SMAD1: variants seen among roughly 807,000 people sequenced by gnomAD.
SMAD1 encodes the protein SMAD family member 1, also known as MAD, mothers against decapentaplegic homolog 1.
SMAD1 carries 6 observed loss-of-function variants against 41.6 expected under a neutral mutation model. The observed-to-expected ratio is 0.14, with a 90% CI of 0.08 to 0.28. SMAD1 has a LOEUF of 0.28. Ranked by LOEUF, SMAD1 falls within the 10% of genes least tolerant of loss-of-function variation. The probability of loss-of-function intolerance (pLI) is 1.00; values close to 1 mark genes in which losing one functional copy is unlikely to be tolerated. For synonymous variants in SMAD1, 206 were observed against 203.2 expected (o/e 1.01, Z -0.12); for missense variants, 379 against 582.6 (o/e 0.65, Z 3.60).
chr4:145,543,619 C>T (rs982271585), intron 4 of SMAD1, among the ~76,000 whole-genome samples: 1 of 152,176 alleles, frequency 6.6e-6, no homozygotes, highest in African/African-American at 2.4e-5. Context: ...TTGATTCCAG[C>T]GCTGTATATA....
chr4:145,488,653 T>A (rs1054637379), intron 1 of SMAD1, among the ~76,000 whole-genome samples: 1 of 152,210 alleles, frequency 6.6e-6, no homozygotes, highest in Non-Finnish European at 1.5e-5. Flanking sequence ...ATTATTCAGT[T>A]AACTAAATGC....
chr4:145,508,806 A>G (rs1729925434), intron 1 of SMAD1, among the ~76,000 whole-genome samples: 1 of 152,208 alleles, frequency 6.6e-6, no homozygotes, highest in Non-Finnish European at 1.5e-5. Flanking sequence ...AGGTACCTGG[A>G]TGGCCTCTTC....
intron 6 of SMAD1, among the ~76,000 whole-genome samples, chr4:145,557,172 A>G (rs527533053): frequency 6.6e-5 from 10 of 152,286 alleles, no homozygotes; most frequent in Non-Finnish European, 8.8e-5. Context: ...ACTTTATTCT[A>G]TGGAACTGTA....
At chr4:145,531,848 T>C (rs1731336385) in intron 2 of SMAD1, among the ~76,000 whole-genome samples, 1 of 152,064 alleles carries the variant, frequency 6.6e-6, no homozygotes, top group Non-Finnish European at 1.5e-5. Context: ...CTGTTACTTC[T>C]ATATGGGCAA....
At chr4:145,505,275 G>A (rs962966642) in intron 1 of SMAD1, among the ~76,000 whole-genome samples, 2 of 152,072 alleles carry the variant, frequency 1.3e-5, no homozygotes, top group African/African-American at 4.8e-5. Flanking sequence ...ATCTCACCAG[G>A]CCTTGAATCC....
In SMAD1 at chr4:145,558,051, G is replaced by T; in HGVS notation, c.*117G>T. The T allele has an allele frequency of 1.9e-6, 1 of 538,780 alleles. No individual in the cohort carries two copies. Among genetic ancestry groups the T allele is most frequent in the Non-Finnish European group, 3.0e-6 (1 of 338,022 alleles). 33.4% of individuals were successfully genotyped at this position (538,780 alleles called of 1,614,324 possible). ...AGCCTTGATAATACTTGACCTCTGTGACCAACTGTTGGATTCAGAAATTTA... is the reference window on the plus strand; with the variant it reads ...AGCCTTGATAATACTTGACCTCTGTTACCAACTGTTGGATTCAGAAATTTA... On this transcript the variant is annotated 3_prime_UTR_variant, in exon 7 of 7. Coordinates refer to ENST00000302085, the MANE Select transcript of SMAD1 (RefSeq NM_005900.3).
chr4:145,483,993 A>G (rs748864538), intron 1 of SMAD1, among the ~76,000 whole-genome samples: 7 of 152,228 alleles, frequency 4.6e-5, no homozygotes, highest in Non-Finnish European at 7.4e-5. Flanking sequence ...TATTTTTACT[A>G]AGTTCATTAA....
Position 145,554,043 on chromosome 4 carries a change from A to T in SMAD1, c.1254+3A>T, listed in dbSNP as rs1472217118. Reference sequence around the variant, plus strand: ...CTATACGTATGAGCTTTGTGAAGGTAAGTGAGCTCCGACTCCTCCATTTAG... The same window carrying T: ...CTATACGTATGAGCTTTGTGAAGGTTAGTGAGCTCCGACTCCTCCATTTAG... On this transcript the variant is annotated splice_donor_region_variant and intron_variant, in intron 6 of 6. Transcript: ENST00000302085. 2 of 1,610,074 alleles carry T rather than the reference A, an allele frequency of 1.2e-6. No individual in the cohort carries two copies. The highest frequency in any genetic ancestry group is 3.3e-5 in the Admixed American group (2 of 59,932).
At chr4:145,542,905 T>G (rs1732032958) in intron 4 of SMAD1, among the ~76,000 whole-genome samples, 1 of 152,240 alleles carries the variant, frequency 6.6e-6, no homozygotes. Context: ...AATGAAGATC[T>G]GAGAATAATT....
chr4:145,553,709 G>A (rs1024651398), intron 5 of SMAD1, 75 bp from the exon 6 acceptor site: 13 of 1,310,346 alleles, frequency 9.9e-6, no homozygotes, highest in Non-Finnish European at 1.3e-5. Context: ...TTAAGTTTCT[G>A]TGTTGAAGCT....
At chr4:145,484,821 A>G (rs1018888669) in intron 1 of SMAD1, 2 of 152,184 alleles carry the variant, frequency 1.3e-5, no homozygotes, top group Non-Finnish European at 2.9e-5. Flanking sequence ...TGGACCACAT[A>G]CTTAACTTTG....
chr4:145,512,923 T>G (rs1417219758), intron 1 of SMAD1, among the ~76,000 whole-genome samples: 1 of 152,212 alleles, frequency 6.6e-6, no homozygotes, highest in Non-Finnish European at 1.5e-5. Context: ...GATTCTAGAT[T>G]GGTTGTAAAG....
intron 3 of SMAD1, among the ~76,000 whole-genome samples, chr4:145,542,319 C>T (rs1304404127): frequency 6.6e-6 from 1 of 152,250 alleles, no homozygotes; most frequent in African/African-American, 2.4e-5. Context: ...CATGATCCTG[C>T]ATAGGCAAAC....
rs1044575037 is a variant in SMAD1 at position 145,481,959 on chromosome 4, C to G, written c.-256C>G. 1 of 152,010 alleles carries G rather than the reference C, an allele frequency of 6.6e-6. No individual in the cohort carries two copies. The highest frequency in any genetic ancestry group is 1.5e-5 in the Non-Finnish European group (1 of 68,078). The allele number at this position is 152,010 out of a possible 1,614,324, so 9.4% of individuals were successfully genotyped here. On this transcript the variant is annotated 5_prime_UTR_variant, in exon 1 of 7. Transcript: ENST00000302085. The stretch of plus-strand genomic sequence containing the variant: ...GGGGAGCGGAGAGTGGCGCAGCGCC[C>G]GGCCGTCCGGACCCGGGCCGCGAGA...
chr4:145,557,617 C>T (rs1022176859), intron 6 of SMAD1, among the ~76,000 whole-genome samples, 174 bp from the exon 7 acceptor site: 2 of 152,032 alleles, frequency 1.3e-5, no homozygotes, highest in African/African-American at 2.4e-5. Flanking sequence ...AAATTGCCTG[C>T]GAAATTATGC....
chr4:145,504,704 A>G (rs1052958338), intron 1 of SMAD1, among the ~76,000 whole-genome samples: 1 of 152,190 alleles, frequency 6.6e-6, no homozygotes, highest in East Asian at 1.9e-4. Context: ...TTTAAGTAAT[A>G]GTTATTTCAG....
intron 1 of SMAD1, among the ~76,000 whole-genome samples, chr4:145,506,764 C>A (rs187400869): frequency 5.2e-4 from 79 of 152,020 alleles, no homozygotes; most frequent in Middle Eastern, 3.4e-3. Context: ...TTGATATTCA[C>A]AGGAGTTGGA....
chr4:145,502,812 A>G (rs1425515250), intron 1 of SMAD1: 2 of 152,194 alleles, frequency 1.3e-5, no homozygotes, highest in Admixed American at 6.5e-5. Context: ...AGTGGTAAGT[A>G]GTAAGCTGGA....
chr4:145,534,221 C>T (rs564360656), intron 2 of SMAD1, among the ~76,000 whole-genome samples: 7 of 152,182 alleles, frequency 4.6e-5, no homozygotes, highest in South Asian at 2.1e-4. Context: ...TTGTTTAAGC[C>T]GCCAGTCTAT....
Sources: gnomAD v4.1 joint callset for allele counts (sites outside exome capture counted in the v4.1 genomes callset) on GRCh38, gnomAD v4.1.1 for gene constraint, MANE v1.5 for transcripts, NCBI Gene and HGNC (gene_info 2026-07-23, HGNC 2026-07-21) for gene names.